PPP1R1C: variants seen among roughly 807,000 people sequenced by gnomAD.
The protein encoded by PPP1R1C is protein phosphatase 1 regulatory subunit 1C.
In PPP1R1C, 15 loss-of-function variants were observed where a neutral mutation model predicts 17.4. The ratio of observed to expected loss-of-function variants is 0.86; its 90% confidence interval spans 0.58 to 1.33. The LOEUF is 1.33. Ranked by LOEUF, PPP1R1C falls within the 40% of genes most tolerant of loss-of-function variation. The probability of loss-of-function intolerance (pLI) is 0.00; values close to 1 mark genes in which losing one functional copy is unlikely to be tolerated. For synonymous variants in PPP1R1C, 35 were observed against 43.1 expected, an observed-to-expected ratio of 0.81 and a Z score of 0.73; for missense variants, 143 against 130.0, an observed-to-expected ratio of 1.10 and a Z score of -0.48.
chr2:181,974,769 G>A (rs1685067293), intron 1 of PPP1R1C, among the ~76,000 whole-genome samples: 1 of 152,194 alleles, frequency 6.6e-6, no homozygotes, highest in Non-Finnish European at 1.5e-5. Context: ...ATGCTCACTG[G>A]TTTCCAGAGA....
At chr2:182,059,411 G>T (rs1254779622) in intron 2 of PPP1R1C, among the ~76,000 whole-genome samples, 2 of 151,818 alleles carry the variant, frequency 1.3e-5, no homozygotes, top group African/African-American at 2.4e-5. Context: ...GAAGACAGGG[G>T]TATATTCTTA....
At chr2:182,117,128 T>C in intron 4 of PPP1R1C, 79 bp from the exon 5 acceptor site, 1 of 1,015,352 alleles carries the variant, frequency 9.8e-7, no homozygotes, top group South Asian at 1.5e-5. Context: ...TGCACTCTTT[T>C]CTTTATCTTT....
chr2:182,034,790 C>T (rs762809042), intron 2 of PPP1R1C, among the ~76,000 whole-genome samples: 122 of 152,156 alleles, frequency 8.0e-4, no homozygotes, highest in Non-Finnish European at 1.3e-3. Flanking sequence ...TGTAACTCCT[C>T]AAAAGTTATT....
chr2:182,061,163 A>G (rs1687838494), intron 2 of PPP1R1C, among the ~76,000 whole-genome samples: 1 of 152,072 alleles, frequency 6.6e-6, no homozygotes, highest in Admixed American at 6.6e-5. Context: ...CTTTGTTCCA[A>G]GAGTCACTTC....
intron 2 of PPP1R1C, among the ~76,000 whole-genome samples, chr2:182,022,568 T>G (rs1686459457): frequency 6.6e-6 from 1 of 152,192 alleles, no homozygotes; most frequent in Admixed American, 6.5e-5. Flanking sequence ...CACAAAATAA[T>G]TCTGTGAATT....
intron 2 of PPP1R1C, among the ~76,000 whole-genome samples, chr2:181,998,296 G>A (rs1432568735): frequency 6.6e-6 from 1 of 152,188 alleles, no homozygotes; most frequent in African/African-American, 2.4e-5. Context: ...GCCCATTCTG[G>A]TTTGTGTGAG....
chr2:182,079,401 G>T (rs756545755), intron 4 of PPP1R1C, among the ~76,000 whole-genome samples: 9 of 152,152 alleles, frequency 5.9e-5, no homozygotes, highest in Non-Finnish European at 1.0e-4. Context: ...GCTGTGTCTT[G>T]TTCCCTATAC....
In PPP1R1C at chr2:181,986,026, T is replaced by C. The variant is rs1302908579; in HGVS notation, c.-85T>C. Reference sequence around the variant, plus strand: ...AAGCACTCTGTGTGGCTTAGTGGAGTGTGTCTGAGGAAACACATCCCGGAC... The same window carrying C: ...AAGCACTCTGTGTGGCTTAGTGGAGCGTGTCTGAGGAAACACATCCCGGAC... On this transcript the variant is annotated 5_prime_UTR_variant, in exon 1 of 5. Coordinates refer to ENST00000682840, the MANE Select transcript of PPP1R1C (RefSeq NM_001080545.3). 2.0e-6 allele frequency: 2 copies of C among 989,682 alleles called. No individual in the cohort carries two copies. Among genetic ancestry groups the C allele is most frequent in the East Asian group, 2.4e-5 (1 of 42,090 alleles). The allele number at this position is 989,682 out of a possible 1,614,324, so 61.3% of individuals were successfully genotyped here.
intron 4 of PPP1R1C, among the ~76,000 whole-genome samples, chr2:182,099,234 A>G (rs1024441926): frequency 1.2e-4 from 18 of 152,350 alleles, no homozygotes; most frequent in African/African-American, 3.8e-4. Context: ...AGTTAGTAGC[A>G]GTAGTACTTC....
intron 1 of PPP1R1C, among the ~76,000 whole-genome samples, chr2:181,973,386 C>T (rs560708065): frequency 1.3e-5 from 2 of 152,212 alleles, no homozygotes; most frequent in South Asian, 2.1e-4. Flanking sequence ...TTACGCAGAG[C>T]CAGAAGATTG....
intron 4 of PPP1R1C, among the ~76,000 whole-genome samples, chr2:182,077,168 A>G (rs184550090): frequency 2.8e-4 from 42 of 152,176 alleles, no homozygotes; most frequent in African/African-American, 9.9e-4. Context: ...AAGAACCTCA[A>G]AGAATGGCAA....
At chr2:182,036,803 G>A (rs1007062516) in intron 2 of PPP1R1C, among the ~76,000 whole-genome samples, 13 of 152,024 alleles carry the variant, frequency 8.6e-5, no homozygotes, top group African/African-American at 3.1e-4. Context: ...TATAATACAT[G>A]TACTATTAAA....
intron 2 of PPP1R1C, among the ~76,000 whole-genome samples, chr2:182,049,108 G>A (rs916854274): frequency 3.3e-5 from 5 of 152,012 alleles, no homozygotes; most frequent in South Asian, 2.1e-4. Context: ...TGAGGCAGGC[G>A]GATCACCTGA....
chr2:182,037,646 T>TATTGATGGCAAGCA (rs1298774326), intron 2 of PPP1R1C, among the ~76,000 whole-genome samples: 3 of 151,952 alleles, frequency 2.0e-5, no homozygotes, highest in African/African-American at 7.3e-5. Context: ...ATCAACAAGC[T>TATTGATGGCAAGCA]ATTGATGGCA....
At chr2:182,056,745 AT>A (rs1687695345) in intron 2 of PPP1R1C, among the ~76,000 whole-genome samples, 1 of 152,166 alleles carries the variant, frequency 6.6e-6, no homozygotes, top group Admixed American at 6.5e-5. Flanking sequence ...TTTCTGTAAA[AT>A]TATATGTTTG....
chr2:182,124,030 A>G (rs766734603), intron 5 of PPP1R1C, among the ~76,000 whole-genome samples: 2 of 152,142 alleles, frequency 1.3e-5, no homozygotes. Flanking sequence ...TAATTTTTGT[A>G]TAAGGTTTAA....
At chr2:182,125,752 T>C (rs1027408430) in intron 5 of PPP1R1C, among the ~76,000 whole-genome samples, 1 of 152,186 alleles carries the variant, frequency 6.6e-6, no homozygotes, top group Non-Finnish European at 1.5e-5. Flanking sequence ...ATCCCCTTTA[T>C]AACTTTTTAA....
chr2:181,986,319 G>T (rs1239031660), intron 1 of PPP1R1C, 128 bp downstream of exon 1: 5 of 732,552 alleles, frequency 6.8e-6, no homozygotes, highest in East Asian at 2.5e-5. Flanking sequence ...ATGTAAACAA[G>T]AAATAAGTTG....
At chr2:182,087,108 C>G (rs559010786) in intron 4 of PPP1R1C, among the ~76,000 whole-genome samples, 1 of 152,360 alleles carries the variant, frequency 6.6e-6, no homozygotes, top group African/African-American at 2.4e-5. Context: ...TTACTTCTCA[C>G]AAAGCCAGTT....
Sources: allele counts gnomAD v4.1 joint callset (sites outside exome capture counted in the v4.1 genomes callset), GRCh38; gene constraint gnomAD v4.1.1; transcripts MANE v1.5; gene names NCBI Gene and HGNC (gene_info 2026-07-23, HGNC 2026-07-21).